NRIP1: variants seen among roughly 807,000 people sequenced by gnomAD.
NRIP1 encodes the protein nuclear receptor-interacting protein 1.
A neutral mutation model predicts 75.0 loss-of-function variants in NRIP1; 28 were observed. That is an observed-to-expected ratio of 0.37 (90% CI 0.28 to 0.51). The LOEUF (loss-of-function observed/expected upper bound fraction) is 0.51, where lower values mean the gene tolerates loss of function less well. Among genes scored for constraint, NRIP1 ranks in the 20% least tolerant of loss-of-function variants. The pLI, the probability that NRIP1 is intolerant of heterozygous loss-of-function variation, is 0.92. For missense variants in NRIP1, 1,435 were observed against 1,343.7 expected (o/e 1.07, Z -1.06); for synonymous variants, 526 against 487.6 (o/e 1.08, Z -1.04).
chr21:14,963,527 G>C lies in NRIP1; in HGVS notation c.*1189C>G, dbSNP rs539797346. On this transcript the variant is annotated 3_prime_UTR_variant, in exon 4 of 4. Transcript: ENST00000318948. ...ACTACAATATTGCAAATTTTGAGCT[G>C]ATGTGTGACTGTATTGGGGAAAATA... 31 of 152,608 alleles carry C rather than the reference G, an allele frequency of 2.0e-4. No individual in the cohort carries two copies. Among genetic ancestry groups the C allele is most frequent in the African/African-American group, 6.7e-4 (28 of 41,532 alleles). The allele number at this position is 152,608 out of a possible 1,614,324, so 9.5% of individuals were successfully genotyped here.
rs1322908201 is a variant in NRIP1, at chr21:15,064,871, G to A, written c.-664C>T. ...CGACCAGCGGCGCTCACGGCGCAGCGGCGGACGCGAGGCCACGGGCGGACG... is the reference window on the plus strand; with the variant it reads ...CGACCAGCGGCGCTCACGGCGCAGCAGCGGACGCGAGGCCACGGGCGGACG... On this transcript the variant is annotated 5_prime_UTR_variant, in exon 1 of 4. Transcript: ENST00000318948. The A allele has an allele frequency of 6.8e-6, 1 of 148,082 alleles. No individual in the cohort carries two copies. The highest frequency in any genetic ancestry group is 2.0e-4 in the East Asian group (1 of 5,092). 9.2% of individuals were successfully genotyped at this position (148,082 alleles called of 1,614,324 possible). A position where few individuals can be genotyped will look rare whatever the true frequency, so the allele number is the denominator to read the frequency against.
intron 1 of NRIP1, among the ~76,000 whole-genome samples, chr21:15,048,775 T>C (rs1484904277): frequency 6.6e-6 from 1 of 152,236 alleles, no homozygotes; most frequent in Non-Finnish European, 1.5e-5. Context: ...ACTCTGAAAC[T>C]ATTCTGGGCT....
chr21:15,046,637 C>T (rs2089083295), intron 1 of NRIP1, among the ~76,000 whole-genome samples: 2 of 152,272 alleles, frequency 1.3e-5, no homozygotes, highest in East Asian at 1.9e-4. Flanking sequence ...GGTTCTGAGG[C>T]CAGGCATTGG....
chr21:14,998,164 T>C lies in NRIP1; in HGVS notation c.-335+16180A>G, dbSNP rs138091337. ...ACTGGAAATAAAACCAAGTCATGAG[T>C]AGCCCATGTGGTTGAAGGCCTGACC... is the stretch of plus-strand genomic sequence containing the variant. On this transcript the variant is annotated intron_variant, in intron 3 of 3. Coordinates refer to ENST00000318948, the MANE Select transcript of NRIP1 (RefSeq NM_003489.4). Among the ~76,000 whole-genome samples, 678 of 152,288 alleles carry C rather than the reference T, an allele frequency of 4.5e-3. 4 individuals are homozygous for C. Among genetic ancestry groups the C allele is most frequent in the Non-Finnish European group, 7.8e-3 (530 of 68,024 alleles).
At chr21:15,021,930 T>C (rs1001114076) in intron 2 of NRIP1, among the ~76,000 whole-genome samples, 1 of 152,164 alleles carries the variant, frequency 6.6e-6, no homozygotes, top group South Asian at 2.1e-4. Context: ...AAGAATACTT[T>C]ACATTGCTGG....
At chr21:15,026,573 G>A (rs550659894) in intron 2 of NRIP1, among the ~76,000 whole-genome samples, 4 of 152,134 alleles carry the variant, frequency 2.6e-5, no homozygotes, top group Admixed American at 6.5e-5. Flanking sequence ...ATAAAAGAAC[G>A]TTGACATCAG....
intron 2 of NRIP1, among the ~76,000 whole-genome samples, chr21:15,023,767 T>C (rs192262985): frequency 3.7e-4 from 57 of 152,284 alleles, no homozygotes; most frequent in African/African-American, 1.2e-3. Flanking sequence ...AAGAAAATAG[T>C]AGGAAACTTG....
At chr21:15,029,292 C>T (rs1274978895) in intron 2 of NRIP1, among the ~76,000 whole-genome samples, 1 of 152,144 alleles carries the variant, frequency 6.6e-6, no homozygotes, top group South Asian at 2.1e-4. Flanking sequence ...GACCCTCCCT[C>T]ACTCACCCCA....
In NRIP1 at chr21:15,012,156, A is replaced by C. The variant is rs76946261; in HGVS notation, c.-335+2188T>G. On this transcript the variant is annotated intron_variant, in intron 3 of 3. Coordinates refer to ENST00000318948, the MANE Select transcript of NRIP1 (RefSeq NM_003489.4). ...ACTTGTCAAATACTCATCTCCTGAG[A>C]TATACCAGATCCTCCTTTTGGAGAC... Among the ~76,000 whole-genome samples, 2,775 of 152,300 alleles carry C rather than the reference A, an allele frequency of 0.018. 231 individuals carry two copies. In the East Asian group the frequency reaches 0.27, roughly 15 times the overall value.
intron 2 of NRIP1, among the ~76,000 whole-genome samples, chr21:15,031,438 C>T (rs1432631181): frequency 5.8e-4 from 73 of 125,972 alleles, no homozygotes; most frequent in African/African-American, 2.1e-3. Flanking sequence ...CTCTGGAAGG[C>T]GCTCGGAGGA....
At position 14,964,741 on chromosome 21, in the gene NRIP1, A is replaced by G; in HGVS notation, c.3452T>C (p.Leu1151Pro). 6.4e-7 allele frequency: 1 copy of G among 1,558,556 alleles called. No homozygotes were observed. Among genetic ancestry groups the G allele is most frequent in the Non-Finnish European group, 8.6e-7 (1 of 1,159,820 alleles). ...GEVYGLLGSVLTIKKESE is the reference protein window; with the variant it reads ...GEVYGLLGSVPTIKKESE ...TTATTCTGATTCTTTCTTTATCGTT[A>G]GCACGCTTCCCAGAAGTCCATAAAC... The change falls in exon 4 of 4, where the codon CTA becomes CCA. Residue 1151 changes from leucine (L) to proline (P), a missense_variant. Transcript: ENST00000318948.
At chr21:15,022,113 T>A (rs1474563718) in intron 2 of NRIP1, among the ~76,000 whole-genome samples, 1 of 152,168 alleles carries the variant, frequency 6.6e-6, no homozygotes, top group Non-Finnish European at 1.5e-5. Flanking sequence ...GCAGCACTAT[T>A]CACAACAGCC....
At chr21:15,009,063 T>C (rs1475862036) in intron 3 of NRIP1, among the ~76,000 whole-genome samples, 2 of 152,242 alleles carry the variant, frequency 1.3e-5, no homozygotes, top group Non-Finnish European at 2.9e-5. Context: ...TGAAAGCTGC[T>C]GCTATTAATA....
chr21:15,044,806 A>G (rs949001407), intron 1 of NRIP1, among the ~76,000 whole-genome samples: 1 of 152,000 alleles, frequency 6.6e-6, no homozygotes, highest in Non-Finnish European at 1.5e-5. Context: ...TCACCACTAT[A>G]CCTGTAGGTC....
Position 15,024,788 on chromosome 21 carries a change from T to A in NRIP1, c.-457-10322A>T, listed in dbSNP as rs998867222. Among the ~76,000 whole-genome samples the A allele has an allele frequency of 2.0e-5, 3 of 152,146 alleles. 1 individual carries two copies. The highest frequency in any genetic ancestry group is 4.4e-5 in the Non-Finnish European group (3 of 68,032). ...ATTGTTCTTGTTATTGTATGTGTTATTTTAAAATTTTAAAAAATTTAAGAC... is the reference window on the plus strand; with the variant it reads ...ATTGTTCTTGTTATTGTATGTGTTAATTTAAAATTTTAAAAAATTTAAGAC... On this transcript the variant is annotated intron_variant, in intron 2 of 3. Coordinates refer to ENST00000318948, the MANE Select transcript of NRIP1 (RefSeq NM_003489.4).
intron 3 of NRIP1, among the ~76,000 whole-genome samples, chr21:15,002,994 C>G (rs1390701698): frequency 6.6e-6 from 1 of 152,098 alleles, no homozygotes; most frequent in Non-Finnish European, 1.5e-5. Flanking sequence ...ACCTTTAACA[C>G]TTCATAATTA....
At chr21:15,023,163 G>T (rs1479116922) in intron 2 of NRIP1, among the ~76,000 whole-genome samples, 2 of 152,180 alleles carry the variant, frequency 1.3e-5, no homozygotes, top group Admixed American at 6.5e-5. Context: ...ACACACCTAT[G>T]TGAACATAAA....
chr21:14,970,803 C>T (rs895867465), intron 3 of NRIP1, among the ~76,000 whole-genome samples: 6 of 152,098 alleles, frequency 3.9e-5, no homozygotes, highest in Admixed American at 3.3e-4. Context: ...TCATATTACT[C>T]CTGTTATTGC....
chr21:15,031,143 G>A (rs183609652), intron 2 of NRIP1, among the ~76,000 whole-genome samples: 58 of 76,576 alleles, frequency 7.6e-4, no homozygotes, highest in East Asian at 3.3e-3. Context: ...GAAGGCGCAC[G>A]GAGGATCACC....
Sources: allele counts gnomAD v4.1 joint callset (sites outside exome capture counted in the v4.1 genomes callset), GRCh38; gene constraint gnomAD v4.1.1; transcripts MANE v1.5; gene names NCBI Gene and HGNC (gene_info 2026-07-23, HGNC 2026-07-21).